NLGN1: variants seen among roughly 807,000 people sequenced by gnomAD.
The protein encoded by NLGN1 is neuroligin 1.
Under a neutral mutation model 65.5 loss-of-function variants are expected in NLGN1, and 12 were observed. That is an observed-to-expected ratio of 0.18 (90% CI 0.12 to 0.30). NLGN1 has a LOEUF of 0.30. Among genes scored for constraint, NLGN1 ranks in the 10% least tolerant of loss-of-function variants. The pLI is 1.00. For missense variants in NLGN1, 750 were observed against 1,007.1 expected, an observed-to-expected ratio of 0.74 and a Z score of 3.46; for synonymous variants, 350 against 359.5, an observed-to-expected ratio of 0.97 and a Z score of 0.30.
At position 174,278,824 on chromosome 3, in the gene NLGN1, A is replaced by C. The variant is rs764947450; in HGVS notation, c.860-37A>C. Reference sequence around the variant, plus strand: ...TTATTGTTTTACCACAACATTACCCAAAGATCATCTAAAATTCTTTGTTGA... The same window carrying C: ...TTATTGTTTTACCACAACATTACCCCAAGATCATCTAAAATTCTTTGTTGA... On this transcript the variant is annotated intron_variant, in intron 5 of 6. Coordinates refer to ENST00000457714, the Ensembl canonical transcript of NLGN1. The C allele has an allele frequency of 4.1e-6, 6 of 1,449,970 alleles. No homozygotes were observed. The African/African-American group carries it at 5.7e-5, about 14-fold the overall frequency. 89.8% of individuals were successfully genotyped at this position (1,449,970 alleles called of 1,614,324 possible). A position where few individuals can be genotyped will look rare whatever the true frequency, so the allele number is the denominator to read the frequency against.
At chr3:173,775,631 G>T (rs1040572089) in intron 3 of NLGN1, among the ~76,000 whole-genome samples, 1 of 152,046 alleles carries the variant, frequency 6.6e-6, no homozygotes, top group Non-Finnish European at 1.5e-5. Context: ...TCCATTTTGC[G>T]ATTATCATTT....
chr3:173,491,749 T>G (rs1422823581), intron 2 of NLGN1, among the ~76,000 whole-genome samples: 5 of 151,808 alleles, frequency 3.3e-5, no homozygotes, highest in Admixed American at 2.6e-4. Flanking sequence ...TGGTTCTTAT[T>G]TTCCTTGATA....
At chr3:173,855,542 G>A (rs1268593778) in intron 4 of NLGN1, among the ~76,000 whole-genome samples, 1 of 152,016 alleles carries the variant, frequency 6.6e-6, no homozygotes, top group Non-Finnish European at 1.5e-5. Context: ...GCAACATAAT[G>A]TATTCTTGTA....
At chr3:173,516,167 G>T (rs1263821707) in intron 2 of NLGN1, among the ~76,000 whole-genome samples, 2 of 152,014 alleles carry the variant, frequency 1.3e-5, no homozygotes, top group Non-Finnish European at 2.9e-5. Flanking sequence ...CATCCCTGAT[G>T]ATAGTGACAG....
chr3:173,699,499 A>C (rs1213312459), intron 3 of NLGN1, among the ~76,000 whole-genome samples: 1 of 152,156 alleles, frequency 6.6e-6, no homozygotes, highest in African/African-American at 2.4e-5. Context: ...CAGCAGTAAA[A>C]ACTGTTCTGC....
chr3:173,692,240 G>A (rs1404944892), intron 3 of NLGN1, among the ~76,000 whole-genome samples: 2 of 152,042 alleles, frequency 1.3e-5, no homozygotes, highest in Non-Finnish European at 2.9e-5. Flanking sequence ...TAATTATTCT[G>A]CTGGTAGATG....
intron 3 of NLGN1, among the ~76,000 whole-genome samples, chr3:173,749,004 G>A (rs1204422627): frequency 2.6e-5 from 4 of 151,816 alleles, no homozygotes; most frequent in Non-Finnish European, 5.9e-5. Flanking sequence ...CATTATGAAG[G>A]AAAAAAAGCA....
chr3:173,668,903 C>T (rs1219425711), intron 3 of NLGN1, among the ~76,000 whole-genome samples: 2 of 152,090 alleles, frequency 1.3e-5, no homozygotes, highest in Non-Finnish European at 2.9e-5. Context: ...GGATTACAGG[C>T]GTGAGCCACT....
Position 173,447,687 on chromosome 3 carries a change from C to T in NLGN1, c.-321+12609C>T, listed in dbSNP as rs1262830643. Among the ~76,000 whole-genome samples the T allele has an allele frequency of 3.3e-5, 5 of 152,188 alleles. No homozygotes were observed. The South Asian group carries it at 1.0e-3, about 31-fold the overall frequency. ...TTTCATGATATTGATTCTTCCTACC[C>T]ATGAGCATGGAATGTTCTTTCATTT... On this transcript the variant is annotated intron_variant, in intron 2 of 6. Coordinates refer to ENST00000457714, the Ensembl canonical transcript of NLGN1.
At chr3:173,820,802 A>C (rs1178484707) in intron 4 of NLGN1, among the ~76,000 whole-genome samples, 5 of 152,168 alleles carry the variant, frequency 3.3e-5, no homozygotes, top group African/African-American at 9.6e-5. Flanking sequence ...TACATACGAT[A>C]TTGCAGAAGG....
At chr3:173,967,275 A>C (rs1178898896) in intron 4 of NLGN1, among the ~76,000 whole-genome samples, 1 of 152,202 alleles carries the variant, frequency 6.6e-6, no homozygotes, top group Non-Finnish European at 1.5e-5. Flanking sequence ...AGCAGCAAAC[A>C]GACCATGCTG....
intron 4 of NLGN1, among the ~76,000 whole-genome samples, chr3:174,137,170 GA>G (rs2152682877): frequency 6.6e-6 from 1 of 152,148 alleles, no homozygotes; most frequent in Admixed American, 6.5e-5. Context: ...TTGCAAAGTT[GA>G]AAAATCATAA....
chr3:173,539,797 C>CACACATATATGTACATATATACAT (rs1560407787), intron 2 of NLGN1, among the ~76,000 whole-genome samples: 185 of 129,066 alleles, frequency 1.4e-3, no homozygotes, highest in African/African-American at 5.4e-3. Flanking sequence ...TACATATATA[C>CACACATATATGTACATATATACAT]ATATATATAC....
At chr3:174,065,875 A>G (rs1408470271) in intron 4 of NLGN1, among the ~76,000 whole-genome samples, 1 of 152,162 alleles carries the variant, frequency 6.6e-6, no homozygotes, top group African/African-American at 2.4e-5. Flanking sequence ...AATAGCCGGC[A>G]AGAAACGAGA....
chr3:174,266,030 G>GTA (rs1456249761), intron 4 of NLGN1, among the ~76,000 whole-genome samples: 19 of 126,728 alleles, frequency 1.5e-4, no homozygotes, highest in Non-Finnish European at 9.8e-5. Flanking sequence ...ATGTGTGTGT[G>GTA]TGTATATATA....
At chr3:173,438,708 G>T (rs1050140425) in intron 2 of NLGN1, among the ~76,000 whole-genome samples, 1 of 152,062 alleles carries the variant, frequency 6.6e-6, no homozygotes, top group Non-Finnish European at 1.5e-5. Context: ...GTTTCAAAAT[G>T]GGATTCTAAA....
chr3:173,658,870 T>C (rs1211192579), intron 3 of NLGN1, among the ~76,000 whole-genome samples: 1 of 152,054 alleles, frequency 6.6e-6, no homozygotes, highest in Non-Finnish European at 1.5e-5. Context: ...ACTACATTTG[T>C]ATGGTTTATA....
chr3:173,481,034 T>C (rs772676337), intron 2 of NLGN1, among the ~76,000 whole-genome samples: 3 of 152,064 alleles, frequency 2.0e-5, no homozygotes, highest in Non-Finnish European at 4.4e-5. Context: ...TAGATAGATA[T>C]AATTGTTATT....
chr3:174,185,246 A>G (rs898900146), intron 4 of NLGN1, among the ~76,000 whole-genome samples: 1 of 152,084 alleles, frequency 6.6e-6, no homozygotes, highest in Non-Finnish European at 1.5e-5. Context: ...ATAATTACAT[A>G]TCAATAATTG....
Sources: allele counts gnomAD v4.1 joint callset (sites outside exome capture counted in the v4.1 genomes callset), GRCh38; gene constraint gnomAD v4.1.1; transcripts MANE v1.5; gene names NCBI Gene and HGNC (gene_info 2026-07-23, HGNC 2026-07-21).